RGL1: variants seen among roughly 807,000 people sequenced by gnomAD.
RGL1 encodes the protein ral guanine nucleotide dissociation stimulator-like 1.
A neutral mutation model predicts 95.2 loss-of-function variants in RGL1; 24 were observed. The observed-to-expected ratio is 0.25, with a 90% CI of 0.18 to 0.35. The LOEUF (loss-of-function observed/expected upper bound fraction) is 0.35. Ranked by LOEUF, RGL1 falls within the 10% of genes least tolerant of loss-of-function variation. The probability of loss-of-function intolerance (pLI) is 1.00; values close to 1 mark genes in which losing one functional copy is unlikely to be tolerated. For synonymous variants in RGL1, 329 were observed against 344.9 expected (o/e 0.95, Z 0.51); for missense variants, 715 against 936.3 (o/e 0.76, Z 3.08).
chr1:183,911,838 C>G (rs541217908), intron 14 of RGL1, among the ~76,000 whole-genome samples: 2 of 152,270 alleles, frequency 1.3e-5, no homozygotes, highest in Non-Finnish European at 2.9e-5. Context: ...GACCATTGAC[C>G]TAGAAAGACT....
chr1:183,717,607 C>T (rs1655703867), intron 1 of RGL1, among the ~76,000 whole-genome samples: 1 of 151,702 alleles, frequency 6.6e-6, no homozygotes, highest in Non-Finnish European at 1.5e-5. Flanking sequence ...ACTATTTTGC[C>T]CTAAGAGAAA....
chr1:183,751,760 C>G (rs752350419), intron 2 of RGL1, among the ~76,000 whole-genome samples: 1 of 152,160 alleles, frequency 6.6e-6, no homozygotes, highest in Non-Finnish European at 1.5e-5. Context: ...AGAGCACCAT[C>G]CCTCATGGCA....
chr1:183,693,757 C>T (rs1350653258), intron 1 of RGL1, among the ~76,000 whole-genome samples: 2 of 152,158 alleles, frequency 1.3e-5, no homozygotes, highest in South Asian at 2.1e-4. Flanking sequence ...ACCTGTAGGC[C>T]TTCCTGTTTC....
intron 16 of RGL1, among the ~76,000 whole-genome samples, chr1:183,919,679 TACC>T (rs1319914629): frequency 6.6e-6 from 1 of 152,202 alleles, no homozygotes; most frequent in Non-Finnish European, 1.5e-5. Flanking sequence ...AAATGTCTTC[TACC>T]ACTGAACCCA....
intron 1 of RGL1, among the ~76,000 whole-genome samples, chr1:183,713,775 T>C (rs904787231): frequency 1.3e-5 from 2 of 152,190 alleles, no homozygotes; most frequent in African/African-American, 4.8e-5. Context: ...TTATAAACCA[T>C]TCAGTTTATA....
chr1:183,836,725 G>T (rs182594697), intron 2 of RGL1, among the ~76,000 whole-genome samples: 5 of 152,204 alleles, frequency 3.3e-5, no homozygotes, highest in African/African-American at 9.6e-5. Context: ...AATATTATAC[G>T]TGCCAAAAAC....
intron 1 of RGL1, among the ~76,000 whole-genome samples, chr1:183,688,334 G>A (rs1046420517): frequency 2.0e-5 from 3 of 152,202 alleles, no homozygotes; most frequent in Non-Finnish European, 1.5e-5. Context: ...TTGCTTATGT[G>A]TATCTGAGAT....
At chr1:183,850,209 T>C (rs1001869491) in intron 3 of RGL1, among the ~76,000 whole-genome samples, 1 of 152,238 alleles carries the variant, frequency 6.6e-6, no homozygotes, top group African/African-American at 2.4e-5. Context: ...TGCCTATTTT[T>C]CTTTTGGACT....
chr1:183,722,377 T>C (rs1656059155), intron 1 of RGL1, among the ~76,000 whole-genome samples: 1 of 151,880 alleles, frequency 6.6e-6, no homozygotes. Flanking sequence ...AATGGGAGGC[T>C]TCAGAAGAGA....
chr1:183,863,302 T>TTTC (rs759260181), intron 3 of RGL1, among the ~76,000 whole-genome samples: 13 of 152,058 alleles, frequency 8.5e-5, no homozygotes, highest in Non-Finnish European at 1.3e-4. Context: ...CTTTTTCTTT[T>TTTC]TTCTTCTTCT....
At chr1:183,882,317 C>A (rs1269204020) in intron 5 of RGL1, among the ~76,000 whole-genome samples, 1 of 152,174 alleles carries the variant, frequency 6.6e-6, no homozygotes, top group East Asian at 1.9e-4. Context: ...AAAGATCAAG[C>A]CTTAGCACAT....
intron 2 of RGL1, among the ~76,000 whole-genome samples, chr1:183,777,238 C>T (rs1050910870): frequency 6.6e-6 from 1 of 152,184 alleles, no homozygotes; most frequent in Non-Finnish European, 1.5e-5. Context: ...TTAACTTTAT[C>T]TTAATTTTCG....
At position 183,926,324 on chromosome 1, in the gene RGL1, A is replaced by G. The variant is rs202203596; in HGVS notation, c.*32A>G. ...GGACCAGTGGCCCCTTGTTTGCCAA[A>G]GGCAGAGTGGGGCTGAGAAACAGGC... On this transcript the variant is annotated 3_prime_UTR_variant, in exon 18 of 18. Coordinates refer to ENST00000360851, the MANE Select transcript of RGL1 (RefSeq NM_001297671.3). The G allele has an allele frequency of 1.4e-4, 215 of 1,576,192 alleles. No individual in the cohort carries two copies. In the African/African-American group the frequency reaches 2.4e-3, roughly 18 times the overall value.
At chr1:183,660,778 C>G (rs1226109818) in intron 1 of RGL1, among the ~76,000 whole-genome samples, 3 of 152,126 alleles carry the variant, frequency 2.0e-5, no homozygotes, top group Non-Finnish European at 4.4e-5. Flanking sequence ...CCACACCACA[C>G]CTATTCCAAA....
At chr1:183,684,753 C>T (rs1012800235) in intron 1 of RGL1, among the ~76,000 whole-genome samples, 4 of 152,156 alleles carry the variant, frequency 2.6e-5, no homozygotes, top group East Asian at 1.9e-4. Flanking sequence ...CTGTGGGTTC[C>T]GAAGACCATG....
intron 1 of RGL1, among the ~76,000 whole-genome samples, chr1:183,689,882 A>G (rs1331344422): frequency 6.6e-6 from 1 of 152,162 alleles, no homozygotes; most frequent in Non-Finnish European, 1.5e-5. Flanking sequence ...GAAACTGCAG[A>G]GATGTGAGGT....
At chr1:183,879,627 G>T (rs4651157) in intron 4 of RGL1, among the ~76,000 whole-genome samples, 72,461 of 152,008 alleles carry the variant, frequency 0.48, 17,633 homozygotes, top group Admixed American at 0.57. Context: ...TGACTATTCC[G>T]GGACCGTATG....
chr1:183,859,703 T>G (rs2102574602), intron 3 of RGL1, among the ~76,000 whole-genome samples: 1 of 152,314 alleles, frequency 6.6e-6, no homozygotes, highest in African/African-American at 2.4e-5. Context: ...CCCTCATAAA[T>G]GGAAAGCACA....
chr1:183,644,261 C>T (rs1558129590), intron 1 of RGL1, among the ~76,000 whole-genome samples: 1 of 152,112 alleles, frequency 6.6e-6, no homozygotes, highest in Non-Finnish European at 1.5e-5. Flanking sequence ...TTTTTTACTA[C>T]TTGGGCAGTT....
Sources: gnomAD v4.1 joint callset for allele counts (sites outside exome capture counted in the v4.1 genomes callset) on GRCh38, gnomAD v4.1.1 for gene constraint, MANE v1.5 for transcripts, NCBI Gene and HGNC (gene_info 2026-07-23, HGNC 2026-07-21) for gene names.